The following CTNNAL1 variants were observed in gnomAD, a reference collection of about 807,000 sequenced individuals.
CTNNAL1 encodes catenin alpha like 1.
CTNNAL1 carries 69 observed loss-of-function variants against 93.6 expected under a neutral mutation model. The ratio of observed to expected loss-of-function variants is 0.74; its 90% CI spans 0.61 to 0.90. The LOEUF is 0.90. Among genes scored for constraint, CTNNAL1 ranks in the 40% least tolerant of loss-of-function variants. CTNNAL1 has a pLI of 0.00. For synonymous variants in CTNNAL1, 286 were observed against 305.4 expected (o/e 0.94, Z 0.66); for missense variants, 836 against 862.0 (o/e 0.97, Z 0.38).
rs1286587266 is a variant in CTNNAL1, at chr9:108,979,435, TC to T, written c.946del (p.Glu316ArgfsTer5). On this transcript the variant is annotated frameshift_variant, in exon 7 of 19. Transcript: ENST00000325551. LOFTEE classifies it high-confidence loss of function. ...LRENLYFQSK[E>X]NLSVTLEVIL... ...GACTTCCAATGTCACAGAAAGGTTC[TC>T]TTTGGACTGAAAATAAAGATTCTCC... is the stretch of plus-strand genomic sequence containing the variant. The T allele has an allele frequency of 6.2e-7, 1 of 1,614,138 alleles. No homozygotes were observed. The highest frequency in any genetic ancestry group is 1.7e-5 in the Admixed American group (1 of 60,016).
intron 9 of CTNNAL1, 23 bp downstream of exon 9, chr9:108,972,652 T>C (rs2132131979): frequency 1.3e-6 from 2 of 1,587,696 alleles, no homozygotes; most frequent in East Asian, 2.2e-5. Flanking sequence ...AACTACAATT[T>C]CTTTAGCACC....
chr9:108,981,699 C>G (rs150049743), intron 6 of CTNNAL1, among the ~76,000 whole-genome samples: 2,727 of 152,120 alleles, frequency 0.018, 32 homozygotes, highest in Non-Finnish European at 0.025. Flanking sequence ...CCAAGGTGGG[C>G]GGATCACCTG....
At chr9:108,996,372 G>A (rs2132188972) in intron 2 of CTNNAL1, among the ~76,000 whole-genome samples, 1 of 152,224 alleles carries the variant, frequency 6.6e-6, no homozygotes, top group East Asian at 1.9e-4. Flanking sequence ...TTACAGGAGT[G>A]ATTTAATGAA....
At chr9:108,972,483 AT>A (rs1346979692) in intron 9 of CTNNAL1, among the ~76,000 whole-genome samples, 191 bp downstream of exon 9, 1 of 151,938 alleles carries the variant, frequency 6.6e-6, no homozygotes, top group Non-Finnish European at 1.5e-5. Flanking sequence ...GGGTCTTAGC[AT>A]TTTTTTTGTT....
chr9:108,993,378 C>T (rs901552724), intron 2 of CTNNAL1, among the ~76,000 whole-genome samples: 11 of 152,216 alleles, frequency 7.2e-5, no homozygotes, highest in Non-Finnish European at 1.0e-4. Flanking sequence ...TGTCAATAGG[C>T]AAAAAGAAAC....
intron 1 of CTNNAL1, among the ~76,000 whole-genome samples, chr9:109,005,555 A>G (rs1039249349): frequency 6.6e-6 from 1 of 152,160 alleles, no homozygotes; most frequent in African/African-American, 2.4e-5. Flanking sequence ...CCACCCTGAG[A>G]GAACAGTGAG....
At chr9:108,946,690 G>A (rs1830413854) in intron 15 of CTNNAL1, among the ~76,000 whole-genome samples, 1 of 152,140 alleles carries the variant, frequency 6.6e-6, no homozygotes, top group Non-Finnish European at 1.5e-5. Context: ...GCTTTGCTTT[G>A]TTCACTTTTC....
In CTNNAL1 at chr9:108,952,353, T is replaced by C. The variant is rs1830586520; in HGVS notation, c.1691A>G (p.Lys564Arg). The C allele has an allele frequency of 6.2e-7, 1 of 1,614,202 alleles. No homozygotes were observed. Among genetic ancestry groups the C allele is most frequent in the Non-Finnish European group, 8.5e-7 (1 of 1,180,036 alleles). The change falls in exon 14 of 19, where the codon AAG becomes AGG. Residue 564 changes from lysine (K) to arginine (R), a missense_variant. Lys to Arg is a conservative substitution (Grantham distance 26). Transcript: ENST00000325551. The stretch of plus-strand genomic sequence containing the variant: ...CAGCTTAAGTCCAAGCTTTGCTATC[T>C]TGGCTTGCTCCTATGAAACAGACGT... ...PDKPDSEEQA[K>R]IAKLGLKLGL...
At chr9:108,974,750 C>T (rs1831211953) in intron 8 of CTNNAL1, among the ~76,000 whole-genome samples, 1 of 152,130 alleles carries the variant, frequency 6.6e-6, no homozygotes, top group Non-Finnish European at 1.5e-5. Flanking sequence ...TCACTTGAGA[C>T]CAGAAGGTCA....
chr9:108,966,151 T>G (rs1412822982), intron 10 of CTNNAL1, among the ~76,000 whole-genome samples: 1 of 152,018 alleles, frequency 6.6e-6, no homozygotes, highest in Non-Finnish European at 1.5e-5. Flanking sequence ...CTATTACGAG[T>G]ATACACAGAG....
chr9:108,970,763 G>A (rs1437943404), intron 9 of CTNNAL1, among the ~76,000 whole-genome samples: 1 of 151,700 alleles, frequency 6.6e-6, no homozygotes. Context: ...AAAACAGAAA[G>A]AACCTTTGGA....
At position 108,983,306 on chromosome 9, in the gene CTNNAL1, T is replaced by G; in HGVS notation, c.739A>C (p.Arg247=). Residue 247 remains arginine, a synonymous_variant, in exon 6 of 19, where the codon AGG becomes CGG. Coordinates refer to ENST00000325551, the MANE Select transcript of CTNNAL1 (RefSeq NM_003798.4). ...MLLTASKTCL[R]HPNCESAHKN... is the part of the protein sequence containing the mutation. ...TGGGCTGATTCGCAGTTAGGATGCC[T>G]CAGACATGTCTTCAAAACAATTGAA... 1 of 1,523,008 alleles carries G rather than the reference T, an allele frequency of 6.6e-7. No homozygotes were observed. The highest frequency in any genetic ancestry group is 1.3e-5 in the South Asian group (1 of 74,430). 94.3% of individuals were successfully genotyped at this position (1,523,008 alleles called of 1,614,324 possible). A position where few individuals can be genotyped will look rare whatever the true frequency, so the allele number is the denominator to read the frequency against.
At chr9:108,963,845 C>T (rs1830882380) in intron 11 of CTNNAL1, among the ~76,000 whole-genome samples, 1 of 152,204 alleles carries the variant, frequency 6.6e-6, no homozygotes, top group Non-Finnish European at 1.5e-5. Flanking sequence ...TCACAAAAGA[C>T]TTTTAGAGCT....
chr9:108,952,391 G>A (rs1830587418), intron 13 of CTNNAL1, 28 bp from the exon 14 acceptor site: 2 of 1,614,052 alleles, frequency 1.2e-6, no homozygotes, highest in Non-Finnish European at 1.7e-6. Context: ...TAATCACAAC[G>A]ACTTTATCAC....
chr9:108,983,422 TCTC>T (rs747337705), intron 5 of CTNNAL1, 107 bp from the exon 6 acceptor site: 68 of 1,231,644 alleles, frequency 5.5e-5, no homozygotes, highest in Non-Finnish European at 6.9e-5. Context: ...TTTACCAAAA[TCTC>T]CTGGGTCCCT....
intron 8 of CTNNAL1, among the ~76,000 whole-genome samples, chr9:108,974,388 G>A (rs1489186008): frequency 6.6e-6 from 1 of 151,810 alleles, no homozygotes; most frequent in Non-Finnish European, 1.5e-5. Flanking sequence ...TTTTTTCCTT[G>A]TGTCAAGGGC....
intron 14 of CTNNAL1, among the ~76,000 whole-genome samples, chr9:108,951,792 C>T (rs1001318946): frequency 6.6e-6 from 1 of 152,160 alleles, no homozygotes; most frequent in Non-Finnish European, 1.5e-5. Context: ...AGATTTGGCA[C>T]GCTATTGACA....
chr9:109,003,048 CA>C (rs1478882956), intron 1 of CTNNAL1, among the ~76,000 whole-genome samples: 3 of 151,982 alleles, frequency 2.0e-5, no homozygotes, highest in Admixed American at 6.6e-5. Flanking sequence ...CAATGGCTTC[CA>C]GGCAAAAATA....
Position 108,943,985 on chromosome 9 carries a change from T to C in CTNNAL1, c.1918A>G (p.Ser640Gly), listed in dbSNP as rs1587937935. 1.9e-6 allele frequency: 3 copies of C among 1,613,840 alleles called. No individual in the cohort carries two copies. The East Asian group carries it at 6.7e-5, about 36-fold the overall frequency. Residue 640 changes from serine to glycine, a missense_variant, in exon 16 of 19, where the codon AGT becomes GGT. Ser to Gly is a moderately conservative substitution (Grantham distance 56). Coordinates refer to ENST00000325551, the MANE Select transcript of CTNNAL1 (RefSeq NM_003798.4). ...ACCTGTTTTGAAAAAGCTTGAACACTGGAAGTAAGCTTTAAACCCTCTGCA... is the reference window on the plus strand; with the variant it reads ...ACCTGTTTTGAAAAAGCTTGAACACCGGAAGTAAGCTTTAAACCCTCTGCA... ...FAAEGLKLTSSVQAFSKQLKD... is the reference protein window; with the variant it reads ...FAAEGLKLTSGVQAFSKQLKD...
Sources: allele counts gnomAD v4.1 joint callset (sites outside exome capture counted in the v4.1 genomes callset), GRCh38; gene constraint gnomAD v4.1.1; transcripts MANE v1.5; gene names NCBI Gene and HGNC (gene_info 2026-07-23, HGNC 2026-07-21).